The following ADORA2B variants were observed in gnomAD, a reference collection of about 807,000 sequenced individuals.
ADORA2B encodes the protein adenosine A2b receptor.
A neutral mutation model predicts 20.8 loss-of-function variants in ADORA2B; 18 were observed. That is an observed-to-expected ratio of 0.87 (90% CI 0.60 to 1.29). The LOEUF is 1.29. ADORA2B is among the 50% of genes most tolerant of loss of function. The pLI, the probability that ADORA2B is intolerant of heterozygous loss-of-function variation, is 0.00. For synonymous variants in ADORA2B, 179 were observed against 178.3 expected (o/e 1.00, Z -0.03); for missense variants, 441 against 422.7 (o/e 1.04, Z -0.38).
chr17:15,879,607 C>T, the ADORA2B span, among the ~76,000 whole-genome samples: 9 of 150,110 alleles, frequency 6.0e-5, no homozygotes, highest in African/African-American at 2.2e-4. Context: ...GCACGATCTC[C>T]CCTCACTGCA....
the ADORA2B span, among the ~76,000 whole-genome samples, chr17:15,934,527 A>G: frequency 6.6e-6 from 1 of 152,124 alleles, no homozygotes; most frequent in Non-Finnish European, 1.5e-5. Flanking sequence ...CCCGACCTCT[A>G]TATATCTTAT....
At chr17:15,915,667 G>A in the ADORA2B span, among the ~76,000 whole-genome samples, 1 of 152,206 alleles carries the variant, frequency 6.6e-6, no homozygotes, top group Non-Finnish European at 1.5e-5. Context: ...GACTATGGAG[G>A]CTGAGAAGTC....
intron 1 of ADORA2B, among the ~76,000 whole-genome samples, chr17:15,953,605 AT>A (rs1403293160): frequency 1.3e-5 from 2 of 151,732 alleles, no homozygotes; most frequent in Admixed American, 6.6e-5. Flanking sequence ...TTATGTTTTG[AT>A]TTTTTTCCTG....
intron 1 of ADORA2B, among the ~76,000 whole-genome samples, chr17:15,959,475 G>A (rs972105407): frequency 6.6e-6 from 1 of 150,958 alleles, no homozygotes; most frequent in Admixed American, 6.6e-5. Context: ...ACATACACTG[G>A]CACAATGATC....
intron 1 of ADORA2B, among the ~76,000 whole-genome samples, chr17:15,954,013 C>G (rs368194298): frequency 6.6e-6 from 1 of 151,564 alleles, no homozygotes; most frequent in Admixed American, 6.6e-5. Context: ...GAGTCTCGCT[C>G]TGTCGCCCAA....
the ADORA2B span, among the ~76,000 whole-genome samples, chr17:15,906,938 T>C: frequency 2.0e-5 from 3 of 152,254 alleles, no homozygotes; most frequent in African/African-American, 7.2e-5. Flanking sequence ...TGAATATTGA[T>C]TGGACTTCTG....
the ADORA2B span, among the ~76,000 whole-genome samples, chr17:15,904,933 C>T: frequency 6.6e-6 from 1 of 152,164 alleles, no homozygotes; most frequent in Non-Finnish European, 1.5e-5. Context: ...CTTACCAATA[C>T]TACACTGTCT....
the ADORA2B span, among the ~76,000 whole-genome samples, chr17:15,873,799 T>A: frequency 1.3e-5 from 2 of 152,152 alleles, no homozygotes; most frequent in Admixed American, 1.3e-4. Context: ...CTGGTGGTAA[T>A]GTAAATTAAT....
chr17:15,927,586 G>T, the ADORA2B span, among the ~76,000 whole-genome samples: 3 of 152,324 alleles, frequency 2.0e-5, no homozygotes, highest in Admixed American at 6.5e-5. Context: ...GGCGGAGGTT[G>T]CAGTGAGCCA....
chr17:15,933,457 G>A, the ADORA2B span, among the ~76,000 whole-genome samples: 1 of 152,004 alleles, frequency 6.6e-6, no homozygotes, highest in Non-Finnish European at 1.5e-5. Context: ...AGTTATTTGG[G>A]TATTTTTAAA....
At chr17:15,907,745 A>G in the ADORA2B span, among the ~76,000 whole-genome samples, 2 of 152,286 alleles carry the variant, frequency 1.3e-5, no homozygotes, top group South Asian at 4.1e-4. Flanking sequence ...AATTGGTTCA[A>G]GACTTTCATG....
At chr17:15,881,183 C>T in the ADORA2B span, among the ~76,000 whole-genome samples, 4 of 152,122 alleles carry the variant, frequency 2.6e-5, no homozygotes, top group African/African-American at 9.7e-5. Context: ...CTCACTGCAA[C>T]CTCTGCCTCC....
At chr17:15,944,819 C>G (rs1435484396), upstream of ADORA2B, 1 of 153,912 alleles carries the variant, frequency 6.5e-6, no homozygotes, top group African/African-American at 2.4e-5. This position sits in a 1 kb window ranked among gnomAD's most constrained non-coding sequence, Gnocchi z 4.8. Context: ...CTGCTGGCGC[C>G]CCGGGCAGAG....
the ADORA2B span, among the ~76,000 whole-genome samples, chr17:15,862,211 C>CTTTTTTTTT: frequency 5.5e-4 from 53 of 96,264 alleles, no homozygotes; most frequent in African/African-American, 1.4e-3. Flanking sequence ...CTTTTCTTTT[C>CTTTTTTTTT]TTTTTTTTTT....
the ADORA2B span, among the ~76,000 whole-genome samples, chr17:15,930,303 T>G: frequency 6.7e-6 from 1 of 148,686 alleles, no homozygotes; most frequent in African/African-American, 2.5e-5. Context: ...TTTTTTTTTC[T>G]TTTTTAATTT....
At position 15,945,274 on chromosome 17, in the gene ADORA2B, T is replaced by C. The variant is rs753144286; in HGVS notation, c.26T>C (p.Leu9Pro). 129 of 1,511,436 alleles carry C rather than the reference T, an allele frequency of 8.5e-5. No individual in the cohort carries two copies. The highest frequency in any genetic ancestry group is 1.1e-4 in the Non-Finnish European group (125 of 1,132,520). 93.6% of individuals were successfully genotyped at this position (1,511,436 alleles called of 1,614,324 possible). ...ATGCTGCTGGAGACACAGGACGCGC[T>C]GTACGTGGCGCTGGAGCTGGTCATC... The part of the protein sequence containing the change: MLLETQDA[L>P]YVALELVIAA... Residue 9 changes from leucine to proline, a missense_variant, in exon 1 of 2, where the codon CTG becomes CCG. Physicochemically the swap from Leu to Pro is moderately conservative, Grantham distance 98 (BLOSUM62 -3). Transcript: ENST00000304222.
chr17:15,936,771 C>T, the ADORA2B span, among the ~76,000 whole-genome samples: 2 of 152,122 alleles, frequency 1.3e-5, no homozygotes, highest in African/African-American at 4.8e-5. Flanking sequence ...GGCCGGAAAA[C>T]AAAATGAGAC....
chr17:15,929,730 C>T, the ADORA2B span, among the ~76,000 whole-genome samples: 3 of 152,136 alleles, frequency 2.0e-5, no homozygotes, highest in Non-Finnish European at 4.4e-5. Flanking sequence ...CCTGGATGAA[C>T]CTTGAGGACG....
At chr17:15,897,500 T>C in the ADORA2B span, among the ~76,000 whole-genome samples, 49,922 of 151,908 alleles carry the variant, frequency 0.33, 8,901 homozygotes, top group African/African-American at 0.46. Context: ...CCCAGGAGGT[T>C]GAGGCTGCAG....
Sources: allele counts gnomAD v4.1 joint callset (sites outside exome capture counted in the v4.1 genomes callset), GRCh38; gene constraint gnomAD v4.1.1; non-coding constraint Gnocchi (gnomAD v3.1); transcripts MANE v1.5; gene names NCBI Gene and HGNC (gene_info 2026-07-23, HGNC 2026-07-21).